ROBO4: variants seen among roughly 807,000 people sequenced by gnomAD.
ROBO4 encodes roundabout guidance receptor 4.
ROBO4 carries 80 observed loss-of-function variants against 103.3 expected under a neutral mutation model. The ratio of observed to expected loss-of-function variants is 0.77; its 90% CI spans 0.65 to 0.93. The LOEUF (loss-of-function observed/expected upper bound fraction) is 0.93, where lower values mean the gene tolerates loss of function less well. Among genes scored for constraint, ROBO4 ranks in the 40% least tolerant of loss-of-function variants. The pLI is 0.00. For missense variants in ROBO4, 1,333 were observed against 1,305.3 expected, an observed-to-expected ratio of 1.02 and a Z score of -0.33; for synonymous variants, 504 against 529.7, an observed-to-expected ratio of 0.95 and a Z score of 0.67.
At chr11:124,891,932 T>C (rs1304012009) in intron 10 of ROBO4, 130 bp from the exon 11 acceptor site, 1 of 1,044,528 alleles carries the variant, frequency 9.6e-7, no homozygotes, top group East Asian at 2.6e-5. Context: ...TACTACTGCT[T>C]TTCAGCTTTT....
rs745512151 is a variant in ROBO4 at position 124,896,338 on chromosome 11, T to C, written c.559-20A>G. On this transcript the variant is annotated intron_variant, in intron 3 of 17. Transcript: ENST00000306534. Reference sequence around the variant, plus strand: ...GGACACCTGTCAGGGCCAGGTTCACTGTGAAGTCTCCTATGTGGGGAGGGG... The same window carrying C: ...GGACACCTGTCAGGGCCAGGTTCACCGTGAAGTCTCCTATGTGGGGAGGGG... 9.2e-5 allele frequency: 149 copies of C among 1,613,232 alleles called. No individual in the cohort carries two copies. In the East Asian group the frequency reaches 3.1e-3, roughly 33 times the overall value.
chr11:124,888,410 G>A (rs1946749819), intron 12 of ROBO4, among the ~76,000 whole-genome samples: 1 of 152,204 alleles, frequency 6.6e-6, no homozygotes, highest in Non-Finnish European at 1.5e-5. Context: ...TTGAAAGATG[G>A]GGTAGACTGT....
At chr11:124,896,778 G>A (rs1162588165) in intron 2 of ROBO4, 108 bp from the exon 3 acceptor site, 1 of 1,512,320 alleles carries the variant, frequency 6.6e-7, no homozygotes, top group Non-Finnish European at 8.9e-7. Flanking sequence ...TCCCATTTAG[G>A]GCCAGCCCCG....
Position 124,886,697 on chromosome 11 carries a change from C to G in ROBO4, c.2561G>C (p.Gly854Ala), listed in dbSNP as rs766605330. The change falls in exon 16 of 18, where the codon GGA (glycine) becomes GCA (alanine). Residue 854 changes from glycine to alanine, a missense_variant. Transcript: ENST00000306534. Reference sequence around the variant, plus strand: ...GGGCCGAGGTGGGCACAGCAAGACTCCCCCCTTGGGCCCCACCCCTCCTCC... The same window carrying G: ...GGGCCGAGGTGGGCACAGCAAGACTGCCCCCTTGGGCCCCACCCCTCCTCC... The part of the protein sequence containing the change: ...RTGGGVGPKG[G>A]VLLCPPRPCL... 2 of 1,609,796 alleles carry G rather than the reference C, an allele frequency of 1.2e-6. No individual in the cohort carries two copies. The highest frequency in any genetic ancestry group is 1.7e-6 in the Non-Finnish European group (2 of 1,176,852).
chr11:124,887,790 C>G lies in ROBO4; in HGVS notation c.1999G>C (p.Glu667Gln). ...TTTCCTAACTCACAGGCCCGGAGCTCCAAGGAGTGGCTGCCCCGGAGCAGT... is the reference window on the plus strand; with the variant it reads ...TTTCCTAACTCACAGGCCCGGAGCTGCAAGGAGTGGCTGCCCCGGAGCAGT... ...SPLLRGSHSL[E>Q]LRACELGNRG... is the part of the protein sequence containing the mutation. The change falls in exon 13 of 18, where the codon GAG becomes CAG. Residue 667 changes from glutamate (E) to glutamine (Q), a missense_variant. Glu to Gln is a conservative substitution (Grantham distance 29, BLOSUM62 2). Transcript: ENST00000306534. 2 of 1,614,034 alleles carry G rather than the reference C, an allele frequency of 1.2e-6. No homozygotes were observed. The highest frequency in any genetic ancestry group is 2.2e-5 in the South Asian group (2 of 91,062).
intron 1 of ROBO4, 105 bp downstream of exon 1, chr11:124,897,621 C>T (rs561450079): frequency 6.4e-6 from 6 of 934,346 alleles, no homozygotes; most frequent in South Asian, 2.8e-5. Flanking sequence ...ATCCTCATCT[C>T]TGGTCCCCCC....
In ROBO4 at chr11:124,895,137, C is replaced by A. The variant is rs750528291; in HGVS notation, c.1093G>T (p.Val365Leu). The change falls in exon 7 of 18, where the codon GTG (valine) becomes TTG (leucine). Residue 365 changes from valine to leucine, a missense_variant. Transcript: ENST00000306534. ...TLKPGNGTVFVSWVPPPAENH... is the reference protein window; with the variant it reads ...TLKPGNGTVFLSWVPPPAENH... The stretch of plus-strand genomic sequence containing the variant: ...TCAGCAGGTGGTGGGACCCAGCTCA[C>A]AAAGACAGTGCCATTGCCAGGCTTT... 1 of 1,614,002 alleles carries A rather than the reference C, an allele frequency of 6.2e-7. No homozygotes were observed. Among genetic ancestry groups the A allele is most frequent in the Non-Finnish European group, 8.5e-7 (1 of 1,180,008 alleles).
chr11:124,893,589 A>C, intron 10 of ROBO4, 99 bp downstream of exon 10: 1 of 1,101,062 alleles, frequency 9.1e-7, no homozygotes, highest in South Asian at 1.2e-5. Context: ...ACAGTCCCAA[A>C]CTCCCTGGCA....
In ROBO4 at chr11:124,884,871, G is replaced by A. The variant is rs1372650363; in HGVS notation, c.*20C>T. 1 of 1,614,110 alleles carries A rather than the reference G, an allele frequency of 6.2e-7. No individual in the cohort carries two copies. Among genetic ancestry groups the A allele is most frequent in the Admixed American group, 1.7e-5 (1 of 60,030 alleles). On this transcript the variant is annotated 3_prime_UTR_variant, in exon 18 of 18. Transcript: ENST00000306534. ...GAGAAGTGGTTCTGATTCCCGTCTG[G>A]GAAGTCTCAGGGACACGGTTCAGGA...
chr11:124,887,612 C>T, intron 13 of ROBO4, 113 bp from the exon 14 acceptor site: 1 of 1,541,778 alleles, frequency 6.5e-7, no homozygotes, highest in South Asian at 1.2e-5. Context: ...CTCCATCCAA[C>T]CCTCATCAGC....
chr11:124,891,644 T>C, intron 11 of ROBO4, 22 bp downstream of exon 11: 2 of 1,614,146 alleles, frequency 1.2e-6, no homozygotes, highest in Non-Finnish European at 1.7e-6. Context: ...GCTAGGCCCT[T>C]GCCCCCACTG....
rs764343740 is a variant in ROBO4 at position 124,895,573 on chromosome 11, C to G, written c.920G>C (p.Ser307Thr). 6.2e-7 allele frequency: 1 copy of G among 1,613,212 alleles called. No individual in the cohort carries two copies. The highest frequency in any genetic ancestry group is 8.5e-7 in the Non-Finnish European group (1 of 1,180,036). Residue 307 changes from serine (S) to threonine (T), a missense_variant, in exon 6 of 18, where the codon AGC becomes ACC. Physicochemically the swap from Ser to Thr is moderately conservative, Grantham distance 58. Coordinates refer to ENST00000306534, the MANE Select transcript of ROBO4 (RefSeq NM_019055.6). ...CCAGTGGAGGCCTCCAAGCTCTGCG[C>G]TCTGCCAGCCGGCCAGCAGCTCCTC... ...WAEELLAGWQSAELGGLHWGQ... is the reference protein window; with the variant it reads ...WAEELLAGWQTAELGGLHWGQ...
At position 124,886,430 on chromosome 11, in the gene ROBO4, T is replaced by A. The variant is rs760148831; in HGVS notation, c.2794+34A>T. On this transcript the variant is annotated intron_variant, in intron 16 of 17. Transcript: ENST00000306534. ...ACAGTTGTTAGAAAGGCAAGGGGCA[T>A]GAGTGAGGAGTAAGATGGGGAGACC... 5 of 1,520,394 alleles carry A rather than the reference T, an allele frequency of 3.3e-6. No individual in the cohort carries two copies. The East Asian group carries it at 1.1e-4, about 35-fold the overall frequency. 94.2% of individuals were successfully genotyped at this position (1,520,394 alleles called of 1,614,324 possible).
rs931292745 is a variant in ROBO4 at position 124,884,297 on chromosome 11, G to A, written c.*594C>T. On this transcript the variant is annotated 3_prime_UTR_variant, in exon 18 of 18. Transcript: ENST00000306534. The stretch of plus-strand genomic sequence containing the variant: ...TACGAGGATGGTGCTTTTGACCTAC[G>A]GTCTCATACCTCCCTTCCTTCAGCA... The A allele has an allele frequency of 1.3e-5, 2 of 153,512 alleles. No individual in the cohort carries two copies. The highest frequency in any genetic ancestry group is 4.8e-5 in the African/African-American group (2 of 41,450). 9.5% of individuals were successfully genotyped at this position (153,512 alleles called of 1,614,324 possible).
chr11:124,894,411 C>T (rs765360027), intron 7 of ROBO4, 42 bp from the exon 8 acceptor site: 3 of 1,579,640 alleles, frequency 1.9e-6, no homozygotes, highest in East Asian at 2.2e-5. Flanking sequence ...CAGGCACCAT[C>T]CCAGAAGCCA....
chr11:124,897,571 A>G, intron 1 of ROBO4, 155 bp downstream of exon 1: 1 of 632,352 alleles, frequency 1.6e-6, no homozygotes, highest in Non-Finnish European at 2.9e-6. Context: ...CACATGCACA[A>G]ACACACATAC....
At chr11:124,897,539 C>G in intron 1 of ROBO4, 187 bp downstream of exon 1, 1 of 588,726 alleles carries the variant, frequency 1.7e-6, no homozygotes, top group Non-Finnish European at 3.1e-6. Context: ...CTCTTTCCTT[C>G]TTTCTCTCTC....
At chr11:124,890,510 C>T (rs1946782439) in intron 12 of ROBO4, among the ~76,000 whole-genome samples, 1 of 152,204 alleles carries the variant, frequency 6.6e-6, no homozygotes, top group Non-Finnish European at 1.5e-5. Context: ...CAGAGGCAGA[C>T]TATCCTGCCT....
chr11:124,897,658 C>A, intron 1 of ROBO4, 68 bp downstream of exon 1: 1 of 1,407,056 alleles, frequency 7.1e-7, no homozygotes, highest in Non-Finnish European at 1.0e-6. Flanking sequence ...AGGCAGTCAG[C>A]AGGCCCCTTC....
Sources: allele counts gnomAD v4.1 joint callset (sites outside exome capture counted in the v4.1 genomes callset), GRCh38; gene constraint gnomAD v4.1.1; transcripts MANE v1.5; gene names NCBI Gene and HGNC (gene_info 2026-07-23, HGNC 2026-07-21).